BLTP1: variants seen among roughly 807,000 people sequenced by gnomAD.
BLTP1 encodes bridge-like lipid transfer protein family member 1, also known as fragile site-associated protein.
At chr4:122,340,111 GTTC>G in the BLTP1 span, among the ~76,000 whole-genome samples, 1 of 152,050 alleles carries the variant, frequency 6.6e-6, no homozygotes, top group Non-Finnish European at 1.5e-5. Flanking sequence ...TAAAATATTG[GTTC>G]TTAACCAGGA....
chr4:122,174,311 A>G, the BLTP1 span: 1 of 984,968 alleles, frequency 1.0e-6, no homozygotes, highest in African/African-American at 1.7e-5. Context: ...AATTAAGGGA[A>G]TTATCCATAC....
the BLTP1 span, chr4:122,362,429 A>ATAATG: frequency 2.2e-6 from 1 of 464,516 alleles, no homozygotes; most frequent in Non-Finnish European, 3.8e-6. Flanking sequence ...GTATTGCATG[A>ATAATG]TAATGTAAAT....
chr4:122,226,320 C>A, the BLTP1 span: 1 of 833,562 alleles, frequency 1.2e-6, no homozygotes, highest in South Asian at 5.3e-5. Flanking sequence ...TATTTAGATA[C>A]TTTTTCACAT....
the BLTP1 span, chr4:122,177,850 T>G: frequency 6.6e-6 from 1 of 152,352 alleles, no homozygotes. Context: ...AACCTTGCTT[T>G]TATTTTCTTC....
At chr4:122,158,234 T>C in the BLTP1 span, among the ~76,000 whole-genome samples, 3 of 152,218 alleles carry the variant, frequency 2.0e-5, no homozygotes, top group East Asian at 1.9e-4. Flanking sequence ...GAAAAAAGCA[T>C]AAATGAAGCC....
the BLTP1 span, chr4:122,339,469 T>C: frequency 8.6e-7 from 1 of 1,166,174 alleles, no homozygotes; most frequent in Non-Finnish European, 1.2e-6. Context: ...TAAATCAATA[T>C]TTTAATAGTA....
the BLTP1 span, chr4:122,264,053 A>T: frequency 1.2e-6 from 1 of 863,482 alleles, no homozygotes; most frequent in Non-Finnish European, 1.4e-6. Flanking sequence ...ATGTGTTCTG[A>T]AAAGTTAATT....
At chr4:122,219,088 GC>G in the BLTP1 span, 1 of 953,316 alleles carries the variant, frequency 1.0e-6, no homozygotes, top group African/African-American at 1.8e-5. Flanking sequence ...TGTAATTGGG[GC>G]AATGCCATGA....
At chr4:122,217,344 T>A in the BLTP1 span, among the ~76,000 whole-genome samples, 3 of 152,126 alleles carry the variant, frequency 2.0e-5, no homozygotes, top group East Asian at 5.8e-4. Context: ...CAGGTTCTTT[T>A]TTGGTTCCAT....
chr4:122,310,006 A>G, the BLTP1 span, among the ~76,000 whole-genome samples: 3 of 151,992 alleles, frequency 2.0e-5, no homozygotes, highest in African/African-American at 4.8e-5. Flanking sequence ...TTATTTGTAT[A>G]TATTTTTATA....
chr4:122,338,612 A>G, the BLTP1 span, among the ~76,000 whole-genome samples: 1 of 152,168 alleles, frequency 6.6e-6, no homozygotes, highest in Non-Finnish European at 1.5e-5. Flanking sequence ...GACTGGCTGT[A>G]GGACTACCCC....
chr4:122,313,550 G>A, the BLTP1 span: 15 of 1,047,254 alleles, frequency 1.4e-5, no homozygotes, highest in Middle Eastern at 2.3e-4. Context: ...ATAATCTTGT[G>A]TGAAAAATTA....
chr4:122,299,703 G>A, the BLTP1 span: 1 of 644,346 alleles, frequency 1.6e-6, no homozygotes, highest in Admixed American at 6.3e-5. Flanking sequence ...GTTGATAGCT[G>A]GGTTGGGGGG....
chr4:122,320,375 T>C, the BLTP1 span, among the ~76,000 whole-genome samples: 12 of 152,064 alleles, frequency 7.9e-5, no homozygotes, highest in Non-Finnish European at 1.8e-4. Context: ...GGTCTCAAAC[T>C]CCTGGCCTCA....
the BLTP1 span, among the ~76,000 whole-genome samples, chr4:122,199,659 A>C: frequency 6.6e-6 from 1 of 152,186 alleles, no homozygotes; most frequent in African/African-American, 2.4e-5. Context: ...GAGGTGAATA[A>C]AAGGCAATGA....
the BLTP1 span, chr4:122,182,781 C>T: frequency 3.0e-6 from 3 of 985,280 alleles, no homozygotes; most frequent in Non-Finnish European, 3.6e-6. Flanking sequence ...TGTTTATATG[C>T]ATCTGCTCTA....
At chr4:122,343,787 G>C in the BLTP1 span, 4 of 416,490 alleles carry the variant, frequency 9.6e-6, no homozygotes, top group South Asian at 1.0e-4. Flanking sequence ...AAGTAATTCA[G>C]GTGAATTAAT....
At chr4:122,188,253 G>T in the BLTP1 span, 1 of 640,122 alleles carries the variant, frequency 1.6e-6, no homozygotes, top group Non-Finnish European at 1.9e-6. Flanking sequence ...AGGATAAATG[G>T]ATATGCTATC....
chr4:122,349,312 G>A, the BLTP1 span: 2 of 1,610,400 alleles, frequency 1.2e-6, no homozygotes, highest in East Asian at 2.2e-5. This position sits in a 1 kb window ranked among gnomAD's most constrained non-coding sequence, Gnocchi z 4.5. Context: ...TTTGGAGATG[G>A]TTGGTATGTT....
Sources: allele counts gnomAD v4.1 joint callset (sites outside exome capture counted in the v4.1 genomes callset), GRCh38; gene constraint gnomAD v4.1.1; non-coding constraint Gnocchi (gnomAD v3.1); transcripts MANE v1.5; gene names NCBI Gene and HGNC (gene_info 2026-07-23, HGNC 2026-07-21).